ARHGEF26: variants seen among roughly 807,000 people sequenced by gnomAD.
ARHGEF26 encodes the protein Rho guanine nucleotide exchange factor 26.
A neutral mutation model predicts 89.4 loss-of-function variants in ARHGEF26; 59 were observed. That is an observed-to-expected ratio of 0.66 (90% CI 0.54 to 0.82). ARHGEF26 has a LOEUF of 0.82. Among genes scored for constraint, ARHGEF26 ranks in the 40% least tolerant of loss-of-function variants. The probability of loss-of-function intolerance (pLI) is 0.00; values close to 1 mark genes in which losing one functional copy is unlikely to be tolerated. For synonymous variants in ARHGEF26, 500 were observed against 428.4 expected, an observed-to-expected ratio of 1.17 and a Z score of -2.06; for missense variants, 1,234 against 1,085.6, an observed-to-expected ratio of 1.14 and a Z score of -1.92.
intron 4 of ARHGEF26, among the ~76,000 whole-genome samples, chr3:154,140,245 G>A (rs536813280): frequency 1.3e-5 from 2 of 152,308 alleles, no homozygotes; most frequent in South Asian, 4.2e-4. Context: ...ATTGTGTTAG[G>A]TAATTTCAGA....
At chr3:154,144,627 T>C (rs923606241) in intron 4 of ARHGEF26, among the ~76,000 whole-genome samples, 1 of 152,222 alleles carries the variant, frequency 6.6e-6, no homozygotes, top group African/African-American at 2.4e-5. Flanking sequence ...ATTGAAATGA[T>C]TTGGATTCAT....
chr3:154,162,754 C>A (rs948801794), intron 6 of ARHGEF26, among the ~76,000 whole-genome samples: 1 of 152,190 alleles, frequency 6.6e-6, no homozygotes, highest in African/African-American at 2.4e-5. Context: ...TTGACACTTA[C>A]CTCGCCCCCT....
At position 154,122,818 on chromosome 3, in the gene ARHGEF26, C is replaced by T. The variant is rs76130087; in HGVS notation, c.826C>T (p.Leu276Phe). Residue 276 changes from leucine (L) to phenylalanine (F), a missense_variant, in exon 2 of 15, where the codon CTC (leucine) becomes TTC (phenylalanine). Transcript: ENST00000465093. Reference sequence around the variant, plus strand: ...AAATGTGGAGCCCCACAAGAGACTCCTCAAGGTGCGCAGCATGGTGGAGGG... The same window carrying T: ...AAATGTGGAGCCCCACAAGAGACTCTTCAAGGTGCGCAGCATGGTGGAGGG... ...NQNVEPHKRLLKVRSMVEGLG... is the reference protein window; with the variant it reads ...NQNVEPHKRLFKVRSMVEGLG... 2.0e-5 allele frequency: 33 copies of T among 1,612,512 alleles called. 1 individual carries two copies. The highest frequency in any genetic ancestry group is 2.0e-4 in the East Asian group (9 of 44,842).
Position 154,253,172 on chromosome 3 carries a change from C to T in ARHGEF26, c.2357C>T (p.Ala786Val), listed in dbSNP as rs771272918. 8 of 1,614,050 alleles carry T rather than the reference C, an allele frequency of 5.0e-6. No homozygotes were observed. The South Asian group carries it at 8.8e-5, about 18-fold the overall frequency. Residue 786 changes from alanine to valine, a missense_variant, in exon 13 of 15, where the codon GCA becomes GTA. Transcript: ENST00000465093. ...ALGHSSGKPP[A>V]DRTSLTQVEI... Reference sequence around the variant, plus strand: ...GGACACAGCAGCGGGAAGCCGCCTGCAGACCGAACCTGTAAGTTCTCTCAA... The same window carrying T: ...GGACACAGCAGCGGGAAGCCGCCTGTAGACCGAACCTGTAAGTTCTCTCAA...
In ARHGEF26 at chr3:154,153,952, A is replaced by C. The variant is rs566344144; in HGVS notation, c.1487+1020A>C. 6.3e-4 allele frequency among the ~76,000 whole-genome samples: 95 copies of C among 151,984 alleles called. 1 individual carries two copies. The highest frequency in any genetic ancestry group is 2.2e-3 in the African/African-American group (92 of 41,476). On this transcript the variant is annotated intron_variant, in intron 6 of 14. Transcript: ENST00000465093. ...AATTATTTGTTGAAGAAATCCGGTCATTTGTTCTGTAGAATTTCCCATGAG... is the reference window on the plus strand; with the variant it reads ...AATTATTTGTTGAAGAAATCCGGTCCTTTGTTCTGTAGAATTTCCCATGAG...
chr3:154,162,263 A>G (rs1247620872), intron 6 of ARHGEF26, among the ~76,000 whole-genome samples: 1 of 152,168 alleles, frequency 6.6e-6, no homozygotes, highest in Non-Finnish European at 1.5e-5. Context: ...TTTTAATTTA[A>G]ACTTTGTATT....
chr3:154,168,312 C>G (rs1315851140), intron 6 of ARHGEF26, among the ~76,000 whole-genome samples: 1 of 152,044 alleles, frequency 6.6e-6, no homozygotes, highest in Non-Finnish European at 1.5e-5. Flanking sequence ...CACGTTGGCT[C>G]ACGTCTATAA....
intron 11 of ARHGEF26, among the ~76,000 whole-genome samples, chr3:154,238,309 G>A (rs547598242): frequency 6.6e-6 from 1 of 152,298 alleles, no homozygotes; most frequent in African/African-American, 2.4e-5. Flanking sequence ...GAACTTTGGA[G>A]ATAATCGTGC....
intron 9 of ARHGEF26, among the ~76,000 whole-genome samples, chr3:154,202,309 A>G (rs1714695166): frequency 6.6e-6 from 1 of 152,078 alleles, no homozygotes; most frequent in African/African-American, 2.4e-5. Context: ...GAGATCAGAT[A>G]GTTGTAGATA....
At position 154,122,036 on chromosome 3, in the gene ARHGEF26, C is replaced by A; in HGVS notation, c.44C>A (p.Thr15Asn). Residue 15 changes from threonine to asparagine, a missense_variant, in exon 2 of 15, where the codon ACC becomes AAC. Thr to Asn is a moderately conservative substitution (Grantham distance 65). Coordinates refer to ENST00000465093, the MANE Select transcript of ARHGEF26 (RefSeq NM_015595.4). ...GTGGATTTTTCTAGCAACAGCATAACCCCTTTGTGGCGGAGGCGGTCGATT... is the reference window on the plus strand; with the variant it reads ...GTGGATTTTTCTAGCAACAGCATAAACCCTTTGTGGCGGAGGCGGTCGATT... ...SEVDFSSNSI[T>N]PLWRRRSIPQ... The A allele has an allele frequency of 6.2e-7, 1 of 1,611,028 alleles. No homozygotes were observed.
chr3:154,223,102 A>G lies in ARHGEF26; in HGVS notation c.1936-2754A>G, dbSNP rs1007778590. On this transcript the variant is annotated intron_variant, in intron 10 of 14. Coordinates refer to ENST00000465093, the MANE Select transcript of ARHGEF26 (RefSeq NM_015595.4). Reference sequence around the variant, plus strand: ...TTTGTTTTTTTGTCTTGCGATGGAAAGTTTGACCTTATGAATAAGCACATG... The same window carrying G: ...TTTGTTTTTTTGTCTTGCGATGGAAGGTTTGACCTTATGAATAAGCACATG... Among the ~76,000 whole-genome samples, 8 of 152,280 alleles carry G rather than the reference A, an allele frequency of 5.3e-5. No individual in the cohort carries two copies. In the South Asian group the frequency reaches 1.2e-3, roughly 24 times the overall value.
intron 14 of ARHGEF26, among the ~76,000 whole-genome samples, chr3:154,255,031 CT>C (rs1304237917): frequency 6.6e-6 from 1 of 152,080 alleles, no homozygotes; most frequent in Non-Finnish European, 1.5e-5. Flanking sequence ...CAGTTCTTAT[CT>C]CTAAATATTC....
intron 6 of ARHGEF26, among the ~76,000 whole-genome samples, chr3:154,172,606 A>T (rs918626046): frequency 9.9e-5 from 15 of 152,192 alleles, no homozygotes; most frequent in Non-Finnish European, 1.9e-4. Flanking sequence ...AGACATGAGA[A>T]TTGCTTGAAC....
chr3:154,155,947 A>G (rs955675513), intron 6 of ARHGEF26, among the ~76,000 whole-genome samples: 2 of 152,054 alleles, frequency 1.3e-5, no homozygotes, highest in Admixed American at 1.3e-4. Context: ...GGACTTTAAT[A>G]TATTCAGATT....
At chr3:154,140,697 C>G (rs1180527591) in intron 4 of ARHGEF26, among the ~76,000 whole-genome samples, 1 of 150,886 alleles carries the variant, frequency 6.6e-6, no homozygotes, top group Non-Finnish European at 1.5e-5. Flanking sequence ...TCTTCTGCCT[C>G]AGCCTCCTGA....
At chr3:154,231,187 G>C (rs1250261749) in intron 11 of ARHGEF26, among the ~76,000 whole-genome samples, 1 of 152,216 alleles carries the variant, frequency 6.6e-6, no homozygotes, top group Non-Finnish European at 1.5e-5. Context: ...AAGATGGCAA[G>C]ATGGGGTGGA....
chr3:154,148,171 G>A (rs1719808511), intron 4 of ARHGEF26, among the ~76,000 whole-genome samples: 1 of 152,172 alleles, frequency 6.6e-6, no homozygotes, highest in Admixed American at 6.5e-5. Context: ...AGGAGCAGCG[G>A]CCTGGCAGCC....
intron 6 of ARHGEF26, among the ~76,000 whole-genome samples, chr3:154,184,613 A>C (rs932891093): frequency 2.6e-5 from 4 of 152,054 alleles, no homozygotes; most frequent in African/African-American, 7.2e-5. Context: ...GCGTTTCTTG[A>C]GTCTATTAAT....
chr3:154,124,151 G>T (rs1718176372), intron 2 of ARHGEF26, among the ~76,000 whole-genome samples: 1 of 152,172 alleles, frequency 6.6e-6, no homozygotes, highest in Non-Finnish European at 1.5e-5. Flanking sequence ...TGACCTGCTA[G>T]TTATTTGAGG....
Sources: allele counts gnomAD v4.1 joint callset (sites outside exome capture counted in the v4.1 genomes callset), GRCh38; gene constraint gnomAD v4.1.1; transcripts MANE v1.5; gene names NCBI Gene and HGNC (gene_info 2026-07-23, HGNC 2026-07-21).